The following ARSG variants were observed in gnomAD, a reference collection of about 807,000 sequenced individuals.
The protein encoded by ARSG is arylsulfatase G, also known as ASG.
A neutral mutation model predicts 50.5 loss-of-function variants in ARSG; 37 were observed. The ratio of observed to expected loss-of-function variants is 0.73; its 90% CI spans 0.56 to 0.96. ARSG has a LOEUF of 0.96. Ranked by LOEUF, ARSG falls within the 50% of genes least tolerant of loss-of-function variation. The pLI, the probability that ARSG is intolerant of heterozygous loss-of-function variation, is 0.00. For synonymous variants in ARSG, 225 were observed against 254.6 expected, an observed-to-expected ratio of 0.88 and a Z score of 1.11; for missense variants, 629 against 675.3, an observed-to-expected ratio of 0.93 and a Z score of 0.76.
In ARSG at chr17:68,395,108, C is replaced by T. The variant is rs772174725; in HGVS notation, c.1127C>T (p.Ala376Val). The change falls in exon 10 of 12, where the codon GCC becomes GTC. Residue 376 changes from alanine to valine, a missense_variant. Coordinates refer to ENST00000621439, the MANE Select transcript of ARSG (RefSeq NM_001267727.2). ...LDIFPTVVAL[A>V]QASLPQGRRF... is the part of the protein sequence containing the mutation. Reference sequence around the variant, plus strand: ...ATTTTTCCAACTGTGGTAGCCCTGGCCCAGGCCAGCTTACCTCAAGGACGG... The same window carrying T: ...ATTTTTCCAACTGTGGTAGCCCTGGTCCAGGCCAGCTTACCTCAAGGACGG... 3.1e-6 allele frequency: 5 copies of T among 1,614,084 alleles called. No individual in the cohort carries two copies. Among genetic ancestry groups the T allele is most frequent in the Non-Finnish European group, 4.2e-6 (5 of 1,179,950 alleles).
intron 3 of ARSG, among the ~76,000 whole-genome samples, chr17:68,344,310 A>G (rs2078409627): frequency 6.6e-6 from 1 of 152,224 alleles, no homozygotes; most frequent in African/African-American, 2.4e-5. Context: ...AACTGGGGAC[A>G]GCATTGTAGT....
chr17:68,417,904 A>ATAT, intron 11 of ARSG, among the ~76,000 whole-genome samples: 1 of 151,064 alleles, frequency 6.6e-6, no homozygotes, highest in East Asian at 1.9e-4. Flanking sequence ...ATAATTTTTT[A>ATAT]TATTTTTAGT....
chr17:68,285,909 G>A (rs2041130), intron 1 of ARSG, among the ~76,000 whole-genome samples: 36,607 of 151,836 alleles, frequency 0.24, 4,871 homozygotes, highest in African/African-American at 0.36. Flanking sequence ...ACAGACGCCC[G>A]CCACCATGCC....
At chr17:68,393,594 C>A (rs2081095261) in intron 9 of ARSG, among the ~76,000 whole-genome samples, 1 of 152,168 alleles carries the variant, frequency 6.6e-6, no homozygotes, top group Non-Finnish European at 1.5e-5. Context: ...AGGCTGAGTG[C>A]AGTGGCTCCT....
At chr17:68,322,137 T>C (rs1177372980) in intron 2 of ARSG, among the ~76,000 whole-genome samples, 1 of 152,250 alleles carries the variant, frequency 6.6e-6, no homozygotes, top group Non-Finnish European at 1.5e-5. Context: ...CTTAAGTGAT[T>C]ACATGAAGAA....
chr17:68,295,419 C>T (rs1410980799), intron 1 of ARSG, among the ~76,000 whole-genome samples: 3 of 151,998 alleles, frequency 2.0e-5, no homozygotes, highest in African/African-American at 7.3e-5. Context: ...CTAGGCTTCT[C>T]AGTCTTCATA....
chr17:68,316,328 A>G (rs2077069469), intron 2 of ARSG, among the ~76,000 whole-genome samples: 1 of 152,060 alleles, frequency 6.6e-6, no homozygotes, highest in South Asian at 2.1e-4. Context: ...TGTTTCCATG[A>G]CCTGTATCAC....
At chr17:68,431,778 C>T in the ARSG span, among the ~76,000 whole-genome samples, 7 of 8,792 alleles carry the variant, frequency 8.0e-4, no homozygotes, top group African/African-American at 3.3e-3. Flanking sequence ...ACAGGTTGAG[C>T]GGAGAACCCA....
At chr17:68,316,090 A>G (rs1215340465) in intron 2 of ARSG, among the ~76,000 whole-genome samples, 1 of 152,108 alleles carries the variant, frequency 6.6e-6, no homozygotes, top group Admixed American at 6.5e-5. Context: ...TGTTCCTCAC[A>G]TTGCACATGT....
At chr17:68,450,661 A>G in the ARSG span, 4 of 1,528,642 alleles carry the variant, frequency 2.6e-6, no homozygotes, top group Non-Finnish European at 2.6e-6. Flanking sequence ...ATCTTGAAAG[A>G]TGTCCATCTT....
At chr17:68,427,349 G>A, downstream of ARSG, 1 of 904,378 alleles carries the variant, frequency 1.1e-6, no homozygotes, top group Non-Finnish European at 1.7e-6. Context: ...CCTGTGCTCA[G>A]CTCTGTGGGT....
intron 6 of ARSG, among the ~76,000 whole-genome samples, chr17:68,360,578 T>G (rs1357274679): frequency 6.6e-6 from 1 of 152,226 alleles, no homozygotes; most frequent in Non-Finnish European, 1.5e-5. Context: ...CTTTAGACCC[T>G]TCATCTGGTA....
At chr17:68,336,318 T>A (rs2146128183) in intron 2 of ARSG, among the ~76,000 whole-genome samples, 1 of 151,392 alleles carries the variant, frequency 6.6e-6, no homozygotes, top group South Asian at 2.1e-4. Context: ...CAAGCGGTTC[T>A]CCTGCCTCAG....
chr17:68,441,480 T>C, the ARSG span, among the ~76,000 whole-genome samples: 1 of 152,244 alleles, frequency 6.6e-6, no homozygotes, highest in African/African-American at 2.4e-5. Flanking sequence ...AGTTTCCATC[T>C]TATTTCTTTG....
chr17:68,421,177 C>T (rs1163370711), downstream of ARSG: 1 of 155,132 alleles, frequency 6.4e-6, no homozygotes, highest in African/African-American at 2.4e-5. Context: ...AATCCCCTTC[C>T]TCTCCTTTTA....
chr17:68,319,735 G>A (rs1555769892), intron 2 of ARSG, among the ~76,000 whole-genome samples: 5 of 152,188 alleles, frequency 3.3e-5, no homozygotes, highest in African/African-American at 1.2e-4. Context: ...TTAAGGGACC[G>A]ATGGCCTGAT....
chr17:68,401,437 C>T lies in ARSG; in HGVS notation c.1290C>T (p.Ala430=). 1.2e-6 allele frequency: 2 copies of T among 1,613,956 alleles called. No homozygotes were observed. Among genetic ancestry groups the T allele is most frequent in the Non-Finnish European group, 1.7e-6 (2 of 1,179,864 alleles). Residue 430 remains alanine (A), a synonymous_variant, in exon 11 of 12, where the codon GCC becomes GCT. Coordinates refer to ENST00000621439, the MANE Select transcript of ARSG (RefSeq NM_001267727.2). ...CTGTCCGCCTGGAGCGTTACAAGGC[C>T]TTCTACATTACCGGTGAGTGAGGGG... is the stretch of plus-strand genomic sequence containing the variant. The part of the protein sequence containing the change: ...LQTVRLERYK[A]FYITGGARAC...
intron 9 of ARSG, among the ~76,000 whole-genome samples, chr17:68,390,474 C>T (rs763242138): frequency 3.9e-4 from 60 of 152,184 alleles, no homozygotes; most frequent in Non-Finnish European, 5.9e-4. Context: ...TTGTGCAGAG[C>T]AATCTCAGCC....
chr17:68,336,681 C>A (rs1025542669), intron 2 of ARSG, among the ~76,000 whole-genome samples: 1 of 152,026 alleles, frequency 6.6e-6, no homozygotes, highest in Non-Finnish European at 1.5e-5. Context: ...GGCAAAATCC[C>A]GTTTCTATTA....
Sources: gnomAD v4.1 joint callset for allele counts (sites outside exome capture counted in the v4.1 genomes callset) on GRCh38, gnomAD v4.1.1 for gene constraint, MANE v1.5 for transcripts, NCBI Gene and HGNC (gene_info 2026-07-23, HGNC 2026-07-21) for gene names.